The following MYO1H variants were observed in gnomAD, a reference collection of about 807,000 sequenced individuals.
MYO1H encodes unconventional myosin-Ih.
MYO1H carries 118 observed loss-of-function variants against 149.3 expected under a neutral mutation model. That is an observed-to-expected ratio of 0.79 (90% confidence interval 0.68 to 0.92). The LOEUF (loss-of-function observed/expected upper bound fraction) is 0.92. Among genes scored for constraint, MYO1H ranks in the 40% least tolerant of loss-of-function variants. The pLI, the probability that MYO1H is intolerant of heterozygous loss-of-function variation, is 0.00. For missense variants in MYO1H, 1,212 were observed against 1,280.7 expected (o/e 0.95, Z 0.82); for synonymous variants, 447 against 465.2 (o/e 0.96, Z 0.50).
chr12:109,380,530 T>C (rs55702807), intron 1 of MYO1H, among the ~76,000 whole-genome samples: 37,349 of 152,124 alleles, frequency 0.25, 5,522 homozygotes, highest in East Asian at 0.39. Flanking sequence ...GTAATCCCAC[T>C]GGTGACAGTG....
chr12:109,376,063 T>C (rs992091712), intron 1 of MYO1H, among the ~76,000 whole-genome samples: 3 of 152,236 alleles, frequency 2.0e-5, no homozygotes, highest in Non-Finnish European at 1.5e-5. Context: ...TAAAGCTTTA[T>C]AGTTTTGCCT....
intron 19 of MYO1H, among the ~76,000 whole-genome samples, chr12:109,428,874 A>C (rs997694500): frequency 1.3e-5 from 2 of 151,846 alleles, no homozygotes; most frequent in Non-Finnish European, 2.9e-5. Context: ...TCTCTTGTCT[A>C]TTTTTGCTGC....
chr12:109,357,334 A>G (rs1019916675), intron 1 of MYO1H: 1 of 152,250 alleles, frequency 6.6e-6, no homozygotes, highest in Non-Finnish European at 1.5e-5. Context: ...ACAAACCATT[A>G]AACATTGATT....
intron 1 of MYO1H, among the ~76,000 whole-genome samples, chr12:109,364,419 C>T (rs529522104): frequency 2.6e-5 from 4 of 152,122 alleles, no homozygotes; most frequent in Admixed American, 6.5e-5. Context: ...GCCTCAAACT[C>T]GGGGGCTCAA....
In MYO1H at chr12:109,371,237, A is replaced by C. The variant is rs550905688; in HGVS notation, c.13-17446A>C. On this transcript the variant is annotated intron_variant, in intron 1 of 31. Transcript: ENST00000310903. ...TCTTTTTTTTTTTTTTTTTTTTGAA[A>C]TAGGGTCTCACTCTGCTACCCAGGC... Among the ~76,000 whole-genome samples the C allele has an allele frequency of 2.2e-5, 3 of 135,598 alleles. 1 individual carries two copies. The East Asian group carries it at 6.5e-4, about 29-fold the overall frequency. 89.0% of individuals were successfully genotyped at this position (135,598 alleles called of 152,430 possible).
chr12:109,386,433 TC>T (rs1869313776), intron 1 of MYO1H, among the ~76,000 whole-genome samples: 1 of 152,242 alleles, frequency 6.6e-6, no homozygotes, highest in Admixed American at 6.5e-5. Context: ...AACTGCCAGA[TC>T]TTTTTCCCAA....
At chr12:109,330,558 C>G in the MYO1H span, among the ~76,000 whole-genome samples, 1 of 152,142 alleles carries the variant, frequency 6.6e-6, no homozygotes, top group African/African-American at 2.4e-5. Context: ...GTTGCCAGGT[C>G]TATTCCAGTG....
At chr12:109,381,178 TTGAAAA>T (rs1869198153) in intron 1 of MYO1H, among the ~76,000 whole-genome samples, 1 of 151,940 alleles carries the variant, frequency 6.6e-6, no homozygotes, top group African/African-American at 2.4e-5. Flanking sequence ...AAGGTCTAGG[TTGAAAA>T]TAAATAAGCT....
intron 15 of MYO1H, among the ~76,000 whole-genome samples, chr12:109,420,684 G>A (rs1337011182): frequency 6.6e-6 from 1 of 152,014 alleles, no homozygotes; most frequent in Non-Finnish European, 1.5e-5. Context: ...TTGGGCGAGG[G>A]CACAGACCCA....
At chr12:109,436,130 G>A (rs139750255) in intron 21 of MYO1H, among the ~76,000 whole-genome samples, 2 of 152,252 alleles carry the variant, frequency 1.3e-5, no homozygotes, top group East Asian at 3.9e-4. Context: ...CCATCTGTCT[G>A]AGCCTGCGTG....
intron 14 of MYO1H, 150 bp downstream of exon 14, chr12:109,412,135 G>T: frequency 1.8e-6 from 1 of 554,502 alleles, no homozygotes; most frequent in Non-Finnish European, 3.1e-6. Flanking sequence ...CCAGACCTTT[G>T]TTAGTAGAAA....
the MYO1H span, among the ~76,000 whole-genome samples, chr12:109,322,712 C>T: frequency 1.3e-5 from 2 of 149,520 alleles, no homozygotes; most frequent in East Asian, 2.0e-4. Flanking sequence ...CCCAGCTACT[C>T]GGGAGGCTGA....
intron 1 of MYO1H, among the ~76,000 whole-genome samples, chr12:109,361,127 G>C (rs904901988): frequency 6.6e-6 from 1 of 152,008 alleles, no homozygotes; most frequent in African/African-American, 2.4e-5. Flanking sequence ...TTCTTTTCTT[G>C]GAAGGAAAAT....
intron 2 of MYO1H, among the ~76,000 whole-genome samples, 159 bp from the exon 3 acceptor site, chr12:109,393,172 C>A (rs1297263855): frequency 6.6e-6 from 1 of 152,120 alleles, no homozygotes; most frequent in African/African-American, 2.4e-5. Flanking sequence ...TGTTTGTCTG[C>A]TGTCTCCCTC....
At chr12:109,432,111 C>G (rs1253332376) in intron 19 of MYO1H, among the ~76,000 whole-genome samples, 1 of 146,402 alleles carries the variant, frequency 6.8e-6, no homozygotes, top group Non-Finnish European at 1.5e-5. Context: ...ACACTATTCT[C>G]CTTCCTCAGC....
intron 2 of MYO1H, among the ~76,000 whole-genome samples, chr12:109,389,835 G>T (rs73192513): frequency 0.033 from 5,028 of 152,254 alleles, 118 homozygotes; most frequent in Middle Eastern, 0.065. Context: ...TATTTTGTTT[G>T]TAATGCTGCT....
Position 109,361,448 on chromosome 12 carries a change from T to C in MYO1H, c.12+13476T>C, listed in dbSNP as rs143584238. Among the ~76,000 whole-genome samples, 299 of 152,244 alleles carry C rather than the reference T, an allele frequency of 2.0e-3. No individual in the cohort carries two copies. The South Asian group carries it at 0.021, about 10-fold the overall frequency. On this transcript the variant is annotated intron_variant, in intron 1 of 31. Transcript: ENST00000310903. ...AAAAAATCAAACTAGTTTCACAAAG[T>C]GAAAGCATCTAGATGATTCTAACTG... is the stretch of plus-strand genomic sequence containing the variant.
At chr12:109,372,783 G>T (rs1869009169) in intron 1 of MYO1H, among the ~76,000 whole-genome samples, 1 of 151,838 alleles carries the variant, frequency 6.6e-6, no homozygotes, top group Non-Finnish European at 1.5e-5. Flanking sequence ...GACTCAATTT[G>T]TTTAGCATGC....
chr12:109,378,921 A>T lies in MYO1H; in HGVS notation c.13-9762A>T, dbSNP rs80166603. Among the ~76,000 whole-genome samples, 29 of 152,328 alleles carry T rather than the reference A, an allele frequency of 1.9e-4. No homozygotes were observed. The East Asian group carries it at 5.6e-3, about 29-fold the overall frequency. On this transcript the variant is annotated intron_variant, in intron 1 of 31. Transcript: ENST00000310903. Reference sequence around the variant, plus strand: ...TCCTTCAACAAATGTTGAAGAAAGTAACTAGATTTTCCTGTAGCGTCTCCC... The same window carrying T: ...TCCTTCAACAAATGTTGAAGAAAGTTACTAGATTTTCCTGTAGCGTCTCCC...
Sources: gnomAD v4.1 joint callset for allele counts (sites outside exome capture counted in the v4.1 genomes callset) on GRCh38, gnomAD v4.1.1 for gene constraint, MANE v1.5 for transcripts, NCBI Gene and HGNC (gene_info 2026-07-23, HGNC 2026-07-21) for gene names.